The following ANKLE2 variants were observed in gnomAD, a reference collection of about 807,000 sequenced individuals.
The protein encoded by ANKLE2 is ankyrin repeat and LEM domain containing 2.
ANKLE2 carries 55 observed loss-of-function variants against 84.2 expected under a neutral mutation model. The ratio of observed to expected loss-of-function variants is 0.65; its 90% CI spans 0.53 to 0.82. The LOEUF is 0.82. Among genes scored for constraint, ANKLE2 ranks in the 40% least tolerant of loss-of-function variants. ANKLE2 has a pLI of 0.00. For missense variants in ANKLE2, 1,238 were observed against 1,201.9 expected (o/e 1.03, Z -0.44); for synonymous variants, 551 against 486.1 (o/e 1.13, Z -1.76).
In ANKLE2 at chr12:132,747,814, T is replaced by C. The variant is rs114396565; in HGVS notation, c.1230+18A>G. ...ACCAATTAAATAAAGAAAGCGTGAGTGGAGGGTGTGCACGCACCATCTTGT... is the reference window on the plus strand; with the variant it reads ...ACCAATTAAATAAAGAAAGCGTGAGCGGAGGGTGTGCACGCACCATCTTGT... On this transcript the variant is annotated intron_variant, in intron 5 of 12. Transcript: ENST00000357997. 5,290 of 1,576,430 alleles carry C rather than the reference T, an allele frequency of 3.4e-3. 185 individuals carry two copies. In the African/African-American group the frequency reaches 0.064, roughly 19 times the overall value.
rs1593127407 is a variant in ANKLE2 at position 132,726,517 on chromosome 12, A to T, written c.*725T>A. 1 of 152,266 alleles carries T rather than the reference A, an allele frequency of 6.6e-6. No individual in the cohort carries two copies. Among genetic ancestry groups the T allele is most frequent in the Non-Finnish European group, 1.5e-5 (1 of 68,084 alleles). The allele number at this position is 152,266 out of a possible 1,614,324, so 9.4% of individuals were successfully genotyped here. The stretch of plus-strand genomic sequence containing the variant: ...GTGAAGGCTCACGTGCTGAGGAAAC[A>T]GGGAACACCTTGGCGCCGCTGCTGA... On this transcript the variant is annotated 3_prime_UTR_variant, in exon 13 of 13. Transcript: ENST00000357997.
chr12:132,732,419 T>C (rs1287478875), intron 10 of ANKLE2, among the ~76,000 whole-genome samples: 1 of 145,582 alleles, frequency 6.9e-6, no homozygotes, highest in African/African-American at 2.6e-5. Flanking sequence ...TGTGAAGCTC[T>C]CTGCGTCCTG....
In ANKLE2 at chr12:132,730,021, T is replaced by G; in HGVS notation, c.2141A>C (p.Lys714Thr). 1 of 1,613,306 alleles carries G rather than the reference T, an allele frequency of 6.2e-7. No individual in the cohort carries two copies. The highest frequency in any genetic ancestry group is 8.5e-7 in the Non-Finnish European group (1 of 1,179,926). Reference protein sequence around the residue: ...PLNHSRTLAGKRPKAPRGEEA... With the variant: ...PLNHSRTLAGTRPKAPRGEEA... ...CTCCCCACGGGGGGCCTTTGGTCTC[T>G]TGCCCGCCAGGGTCCTGCTGTGATT... is the stretch of plus-strand genomic sequence containing the variant. Residue 714 changes from lysine (K) to threonine (T), a missense_variant, in exon 11 of 13, where the codon AAG becomes ACG. Around this residue, in one of 3 missense-constraint regions of ANKLE2, gnomAD observed 802 missense variants for 774.5 expected, o/e 1.04. Transcript: ENST00000357997.
Position 132,754,831 on chromosome 12 carries a change from C to A in ANKLE2, c.484G>T (p.Gly162Cys). Residue 162 changes from glycine (G) to cysteine (C), a missense_variant, in exon 2 of 13, where the codon GGC (glycine) becomes TGC (cysteine). Physicochemically the swap from Gly to Cys is radical, Grantham distance 159 (BLOSUM62 -3). This residue lies in a region of ANKLE2 where 422 missense variants were observed against 394.5 expected (regional missense o/e 1.07). Coordinates refer to ENST00000357997, the MANE Select transcript of ANKLE2 (RefSeq NM_015114.3). ...SEDRDFGYSVGLNPPEEEAVT... is the reference protein window; with the variant it reads ...SEDRDFGYSVCLNPPEEEAVT... Reference sequence around the variant, plus strand: ...GCTTCCTCCTCTGGAGGATTCAGGCCCACACTGTAACCAAAATCTCTGTCT... The same window carrying A: ...GCTTCCTCCTCTGGAGGATTCAGGCACACACTGTAACCAAAATCTCTGTCT... 1 of 1,614,094 alleles carries A rather than the reference C, an allele frequency of 6.2e-7. No individual in the cohort carries two copies. Among genetic ancestry groups the A allele is most frequent in the Non-Finnish European group, 8.5e-7 (1 of 1,180,036 alleles).
intron 5 of ANKLE2, chr12:132,745,592 T>C (rs2044219587): frequency 6.5e-6 from 1 of 154,530 alleles, no homozygotes; most frequent in Non-Finnish European, 1.5e-5. Context: ...CTGCCATCAG[T>C]AGGAAGCTCG....
intron 12 of ANKLE2, 81 bp downstream of exon 12, chr12:132,727,951 G>A: frequency 6.6e-7 from 1 of 1,524,642 alleles, no homozygotes; most frequent in East Asian, 2.3e-5. Flanking sequence ...CCACTGATAG[G>A]TTCGCATGAA....
intron 1 of ANKLE2, chr12:132,760,019 A>G (rs1386014534): frequency 6.6e-6 from 1 of 151,764 alleles, no homozygotes; most frequent in Non-Finnish European, 1.5e-5. Context: ...CTGTAATCCC[A>G]GCTACTCGGG....
chr12:132,739,241 C>A (rs534133594), intron 7 of ANKLE2, among the ~76,000 whole-genome samples: 1 of 152,126 alleles, frequency 6.6e-6, no homozygotes, highest in East Asian at 1.9e-4. Context: ...TGCACACTTA[C>A]CCCTGAACCT....
At position 132,729,693 on chromosome 12, in the gene ANKLE2, C is replaced by G; in HGVS notation, c.2469G>C (p.Arg823=). 6.2e-7 allele frequency: 1 copy of G among 1,604,160 alleles called. No homozygotes were observed. The highest frequency in any genetic ancestry group is 1.4e-5 in the African/African-American group (1 of 72,712). Reference sequence around the variant, plus strand: ...CACACTCCTACCCAAAAAGGAAGAGCCGCCTGGCCGGTTCCCTGGTGACCT... The same window carrying G: ...CACACTCCTACCCAAAAAGGAAGAGGCGCCTGGCCGGTTCCCTGGTGACCT... ...QLEVTREPAR[R]LFLFGEEPSK... Residue 823 remains arginine, a synonymous_variant, in exon 11 of 13, where the codon CGG becomes CGC. Coordinates refer to ENST00000357997, the MANE Select transcript of ANKLE2 (RefSeq NM_015114.3).
At chr12:132,733,619 CGT>C (rs1252950307) in intron 10 of ANKLE2, among the ~76,000 whole-genome samples, 2 of 148,226 alleles carry the variant, frequency 1.3e-5, no homozygotes, top group African/African-American at 5.0e-5. Context: ...TGAAATGCAC[CGT>C]GTGAAGCTCT....
At chr12:132,733,754 TG>T (rs1462210946) in intron 10 of ANKLE2, among the ~76,000 whole-genome samples, 1 of 152,230 alleles carries the variant, frequency 6.6e-6, no homozygotes, top group Non-Finnish European at 1.5e-5. Context: ...CTTCGTGCCC[TG>T]GTGTCTGATA....
Position 132,730,027 on chromosome 12 carries a change from G to A in ANKLE2, c.2135C>T (p.Ala712Val), listed in dbSNP as rs367741360. The A allele has an allele frequency of 5.0e-6, 8 of 1,613,090 alleles. No homozygotes were observed. The highest frequency in any genetic ancestry group is 4.5e-5 in the East Asian group (2 of 44,864). ...ACGGGGGGCCTTTGGTCTCTTGCCC[G>A]CCAGGGTCCTGCTGTGATTCAGAGG... ...CHPLNHSRTL[A>V]GKRPKAPRGE... The change falls in exon 11 of 13, where the codon GCG becomes GTG. Residue 712 changes from alanine to valine, a missense_variant. Coordinates refer to ENST00000357997, the MANE Select transcript of ANKLE2 (RefSeq NM_015114.3).
chr12:132,728,587 C>G (rs571527700), intron 11 of ANKLE2, among the ~76,000 whole-genome samples: 3 of 152,284 alleles, frequency 2.0e-5, no homozygotes, highest in African/African-American at 4.8e-5. Flanking sequence ...GTGCAAGGAT[C>G]GATCTGGCCT....
At chr12:132,761,422 C>T in intron 1 of ANKLE2, 196 bp downstream of exon 1, 1 of 418,726 alleles carries the variant, frequency 2.4e-6, no homozygotes, top group Non-Finnish European at 3.9e-6. Flanking sequence ...CCTCCGCCCC[C>T]GGCCCGGGAA....
Position 132,747,895 on chromosome 12 carries a change from C to T in ANKLE2, c.1167G>A (p.Glu389=). 6 of 1,610,310 alleles carry T rather than the reference C, an allele frequency of 3.7e-6. No homozygotes were observed. Among genetic ancestry groups the T allele is most frequent in the Non-Finnish European group, 1.7e-6 (2 of 1,179,168 alleles). ...AACGGATACGCTTCTGCAGCATGGC[C>T]TCGTCGTCATCAGGGTACATCAGCC... The part of the protein sequence containing the change: ...FMRLMYPDDD[E]AMLQKRIRYV... Residue 389 remains glutamate (E), a synonymous_variant, in exon 5 of 13, where the codon GAG becomes GAA. Coordinates refer to ENST00000357997, the MANE Select transcript of ANKLE2 (RefSeq NM_015114.3).
intron 3 of ANKLE2, chr12:132,749,157 A>C (rs1593172433): frequency 6.6e-6 from 1 of 152,058 alleles, no homozygotes; most frequent in African/African-American, 2.4e-5. Flanking sequence ...CACCACGCCC[A>C]GCTGATTTTT....
At chr12:132,747,660 G>A (rs1188541055) in intron 5 of ANKLE2, among the ~76,000 whole-genome samples, 172 bp downstream of exon 5, 1 of 152,246 alleles carries the variant, frequency 6.6e-6, no homozygotes, top group Non-Finnish European at 1.5e-5. Context: ...CCAGCGCTCG[G>A]TGCCCTTTGT....
In ANKLE2 at chr12:132,727,028, G is replaced by T; in HGVS notation, c.*214C>A. 3.4e-6 allele frequency: 2 copies of T among 582,650 alleles called. No individual in the cohort carries two copies. Among genetic ancestry groups the T allele is most frequent in the Middle Eastern group, 4.8e-4 (1 of 2,102 alleles). The allele number at this position is 582,650 out of a possible 1,614,324, so 36.1% of individuals were successfully genotyped here. ...CACATGGATATTTTCCAGAAAATTG[G>T]TAACTGAGTTTGCTTTCATTAACTT... On this transcript the variant is annotated 3_prime_UTR_variant, in exon 13 of 13. Coordinates refer to ENST00000357997, the MANE Select transcript of ANKLE2 (RefSeq NM_015114.3).
intron 1 of ANKLE2, 72 bp from the exon 2 acceptor site, chr12:132,755,205 G>A: frequency 1.5e-6 from 2 of 1,345,384 alleles, no homozygotes. Context: ...ATGGGTACTA[G>A]GGTTCATTAT....
Sources: allele counts gnomAD v4.1 joint callset (sites outside exome capture counted in the v4.1 genomes callset), GRCh38; gene constraint gnomAD v4.1.1; regional missense constraint gnomAD v4.1.1; transcripts MANE v1.5; gene names NCBI Gene and HGNC (gene_info 2026-07-23, HGNC 2026-07-21).